ELF1: variants seen among roughly 807,000 people sequenced by gnomAD.
ELF1 encodes ETS-related transcription factor Elf-1.
ELF1 carries 24 observed loss-of-function variants against 59.9 expected under a neutral mutation model. The ratio of observed to expected loss-of-function variants is 0.40; its 90% confidence interval spans 0.29 to 0.56. The LOEUF is 0.56. ELF1 is among the 20% of genes least tolerant of loss of function. ELF1 has a pLI of 0.44. For missense variants in ELF1, 627 were observed against 742.2 expected (o/e 0.84, Z 1.80); for synonymous variants, 248 against 266.2 (o/e 0.93, Z 0.67).
At chr13:41,040,104 C>T (rs1444290726) in intron 1 of ELF1, among the ~76,000 whole-genome samples, 1 of 152,116 alleles carries the variant, frequency 6.6e-6, no homozygotes, top group Non-Finnish European at 1.5e-5. Context: ...ACTTCACAAC[C>T]AAAAGACTTT....
intron 2 of ELF1, among the ~76,000 whole-genome samples, chr13:40,975,802 C>T (rs551124025): frequency 2.0e-5 from 3 of 152,012 alleles, no homozygotes; most frequent in Non-Finnish European, 4.4e-5. Context: ...CATCTAGCAA[C>T]AGGTAAGTTT....
chr13:41,030,252 T>C (rs1369724837), intron 1 of ELF1, among the ~76,000 whole-genome samples: 2 of 152,068 alleles, frequency 1.3e-5, no homozygotes, highest in Non-Finnish European at 2.9e-5. Context: ...GAATAAGGAA[T>C]GAGCAACTGT....
intron 1 of ELF1, among the ~76,000 whole-genome samples, chr13:41,030,989 C>G (rs934220150): frequency 2.0e-5 from 3 of 149,544 alleles, no homozygotes; most frequent in Admixed American, 2.0e-4. Context: ...GATGAAACCC[C>G]ATTTCTACAA....
intron 8 of ELF1, among the ~76,000 whole-genome samples, chr13:40,938,932 G>A (rs1869961280): frequency 6.6e-6 from 1 of 152,118 alleles, no homozygotes; most frequent in African/African-American, 2.4e-5. Context: ...CATAGTACTA[G>A]CTGAATTTTT....
chr13:40,948,356 C>CT lies in ELF1; in HGVS notation c.529+1449dup, dbSNP rs200062635. Among the ~76,000 whole-genome samples, 401 of 152,298 alleles carry CT rather than the reference C, an allele frequency of 2.6e-3. 6 individuals carry two copies. In the East Asian group the frequency reaches 0.051, roughly 19 times the overall value. ...TTCTTTCCCCCAAGAGGGTATATCC[C>CT]TTCAAGGGTCCCAGTTACATGCTGA... On this transcript the variant is annotated intron_variant, in intron 5 of 8. Coordinates refer to ENST00000239882, the MANE Select transcript of ELF1 (RefSeq NM_172373.4).
intron 3 of ELF1, among the ~76,000 whole-genome samples, chr13:40,955,093 G>C (rs9532684): frequency 1.4e-5 from 2 of 147,704 alleles, no homozygotes; most frequent in Non-Finnish European, 3.0e-5. Context: ...GTCTCTGCCC[G>C]GCTGCCCCGT....
At chr13:40,973,680 TTGAG>T (rs2138243137) in intron 2 of ELF1, among the ~76,000 whole-genome samples, 1 of 152,126 alleles carries the variant, frequency 6.6e-6, no homozygotes, top group South Asian at 2.1e-4. Flanking sequence ...TTCTAGGTGA[TTGAG>T]TATTTTCTGG....
chr13:40,938,606 C>T (rs947233880), intron 8 of ELF1, among the ~76,000 whole-genome samples: 10 of 152,146 alleles, frequency 6.6e-5, no homozygotes, highest in African/African-American at 2.2e-4. Context: ...ATCTATAAAA[C>T]GGGGATATTA....
At chr13:40,989,819 A>C (rs948887308) in intron 1 of ELF1, among the ~76,000 whole-genome samples, 1 of 152,180 alleles carries the variant, frequency 6.6e-6, no homozygotes, top group African/African-American at 2.4e-5. Context: ...TAAAATGATA[A>C]AACTGATTCT....
chr13:41,037,452 C>T (rs1041010790), intron 1 of ELF1, among the ~76,000 whole-genome samples: 2 of 152,136 alleles, frequency 1.3e-5, no homozygotes, highest in African/African-American at 4.8e-5. Context: ...AATCCTATGC[C>T]CTTTCTATAA....
In ELF1 at chr13:40,943,012, A is replaced by G; in HGVS notation, c.746T>C (p.Leu249Ser). 2 of 1,611,770 alleles carry G rather than the reference A, an allele frequency of 1.2e-6. No homozygotes were observed. Among genetic ancestry groups the G allele is most frequent in the Non-Finnish European group, 1.7e-6 (2 of 1,178,622 alleles). ...AGGTTTGTTTTTGTGCTTCCCCCAC[A>G]ACCTGGACACTGCTTTAGAATCCAC... ...KLVDSKAVSR[L>S]WGKHKNKPDM... The change falls in exon 7 of 9, where the codon TTG becomes TCG. Residue 249 changes from leucine (L) to serine (S), a missense_variant. Transcript: ENST00000239882.
intron 2 of ELF1, among the ~76,000 whole-genome samples, chr13:40,964,384 T>C (rs1872045752): frequency 6.6e-6 from 1 of 152,286 alleles, no homozygotes; most frequent in Admixed American, 6.5e-5. Context: ...AATCAAGGTG[T>C]TGGCAGGGCT....
chr13:41,059,945 T>C (rs1365285369), intron 1 of ELF1, among the ~76,000 whole-genome samples: 1 of 152,238 alleles, frequency 6.6e-6, no homozygotes, highest in East Asian at 1.9e-4. Flanking sequence ...TTTAAAGCCA[T>C]CTCATCAGAG....
chr13:40,988,084 A>G (rs1873651684), intron 1 of ELF1, among the ~76,000 whole-genome samples: 1 of 152,214 alleles, frequency 6.6e-6, no homozygotes, highest in African/African-American at 2.4e-5. Context: ...GGTCTTTTAA[A>G]AAATCTGTTT....
chr13:40,933,509 A>T lies in ELF1; in HGVS notation c.1776T>A (p.Tyr592Ter), dbSNP rs1180483974. 2 of 1,614,256 alleles carry T rather than the reference A, an allele frequency of 1.2e-6. No individual in the cohort carries two copies. The highest frequency in any genetic ancestry group is 2.2e-5 in the South Asian group (2 of 91,090). The stretch of plus-strand genomic sequence containing the variant: ...CATTGGAACTGGACACTACCATCAC[A>T]TAAGGCTGTGGCTGCTGCTCCGTTT... ...TEKTEQQPQP[Y>*]VMVVSSSNGF... is the part of the protein sequence containing the mutation. Residue 592 changes from tyrosine to a stop codon, truncating the protein, a stop_gained, in exon 9 of 9, where the codon TAT becomes TAA. Transcript: ENST00000239882. LOFTEE classifies it high-confidence loss of function.
intron 2 of ELF1, among the ~76,000 whole-genome samples, chr13:40,981,671 T>A (rs189824096): frequency 6.6e-6 from 1 of 152,272 alleles, no homozygotes; most frequent in East Asian, 1.9e-4. Flanking sequence ...CAGTATATTC[T>A]CTAGAACTTT....
At chr13:41,007,391 G>A (rs989051435) in intron 1 of ELF1, among the ~76,000 whole-genome samples, 10 of 152,074 alleles carry the variant, frequency 6.6e-5, no homozygotes, top group South Asian at 2.1e-4. Context: ...TCTACTGGAG[G>A]AACTTCATTT....
chr13:40,976,840 C>A (rs775153034), intron 2 of ELF1, among the ~76,000 whole-genome samples: 2 of 152,126 alleles, frequency 1.3e-5, no homozygotes, highest in Non-Finnish European at 2.9e-5. Flanking sequence ...CCACTGCACC[C>A]GGCACTGTTA....
At chr13:40,986,272 C>T (rs897483838) in intron 1 of ELF1, among the ~76,000 whole-genome samples, 1 of 152,126 alleles carries the variant, frequency 6.6e-6, no homozygotes, top group African/African-American at 2.4e-5. Context: ...TGTCTCAGTC[C>T]CCTCTTTCCA....
Sources: gnomAD v4.1 joint callset for allele counts (sites outside exome capture counted in the v4.1 genomes callset) on GRCh38, gnomAD v4.1.1 for gene constraint, MANE v1.5 for transcripts, NCBI Gene and HGNC (gene_info 2026-07-23, HGNC 2026-07-21) for gene names.